SLC7A5: variants seen among roughly 807,000 people sequenced by gnomAD.
SLC7A5 encodes the protein large neutral amino acids transporter small subunit 1.
SLC7A5 carries 23 observed loss-of-function variants against 50.2 expected under a neutral mutation model. That is an observed-to-expected ratio of 0.46 (90% confidence interval 0.33 to 0.65). SLC7A5 has a LOEUF of 0.65. Ranked by LOEUF, SLC7A5 falls within the 30% of genes least tolerant of loss-of-function variation. SLC7A5 has a pLI of 0.02. For synonymous variants in SLC7A5, 393 were observed against 330.6 expected (o/e 1.19, Z -2.05); for missense variants, 578 against 684.4 (o/e 0.84, Z 1.73).
chr16:87,850,105 C>A (rs962641865), intron 2 of SLC7A5, among the ~76,000 whole-genome samples: 2 of 152,212 alleles, frequency 1.3e-5, no homozygotes, highest in Admixed American at 1.3e-4. Context: ...CCCTCCCCAG[C>A]TGCAGCCAGA....
intron 7 of SLC7A5, 62 bp from the exon 8 acceptor site, chr16:87,836,709 G>A (rs1597493718): frequency 6.3e-7 from 1 of 1,577,218 alleles, no homozygotes. Context: ...GGACGGCCGT[G>A]GTGGCCACCG....
intron 2 of SLC7A5, among the ~76,000 whole-genome samples, chr16:87,845,165 C>T (rs1434863766): frequency 7.0e-6 from 1 of 143,412 alleles, no homozygotes; most frequent in Non-Finnish European, 1.5e-5. Flanking sequence ...ACATGAGGGG[C>T]CAACCGTGCC....
rs2055429223 is a variant in SLC7A5, at chr16:87,863,986, A to ATATATATAT, written c.538+4898_538+4899insATATATATA. Among the ~76,000 whole-genome samples, 15 of 83,278 alleles carry ATATATATAT rather than the reference A, an allele frequency of 1.8e-4. 1 individual carries two copies. The highest frequency in any genetic ancestry group is 5.6e-4 in the Admixed American group (4 of 7,092). 54.6% of individuals were successfully genotyped at this position (83,278 alleles called of 152,430 possible). On this transcript the variant is annotated intron_variant, in intron 1 of 9. Coordinates refer to ENST00000261622, the MANE Select transcript of SLC7A5 (RefSeq NM_003486.7). ...CCAACCTTATGTGTGATCATTTAAA[A>ATATATATAT]ATATATATATATATATATATATCAG...
In SLC7A5 at chr16:87,862,536, G is replaced by A. The variant is rs1356111660; in HGVS notation, c.538+6349C>T. Among the ~76,000 whole-genome samples the A allele has an allele frequency of 1.3e-5, 2 of 152,216 alleles. No individual in the cohort carries two copies. The highest frequency in any genetic ancestry group is 6.5e-5 in the Admixed American group (1 of 15,280). ...AGAGCTCCAGACTAAAGGAAACCCT[G>A]GCTCCTGTCTCTGGCTCTTCCCTCC... On this transcript the variant is annotated intron_variant, in intron 1 of 9. Coordinates refer to ENST00000261622, the MANE Select transcript of SLC7A5 (RefSeq NM_003486.7). This position sits in a 1 kb window ranked among gnomAD's most constrained non-coding sequence, Gnocchi z 5.3.
chr16:87,843,083 A>T (rs1222713668), intron 2 of SLC7A5, among the ~76,000 whole-genome samples: 2 of 152,070 alleles, frequency 1.3e-5, no homozygotes, highest in Non-Finnish European at 2.9e-5. Flanking sequence ...GAGGGGGTGA[A>T]GGTGAGCCCT....
At chr16:87,868,799 T>C (rs2055495202) in intron 1 of SLC7A5, 86 bp downstream of exon 1, 10 of 1,329,676 alleles carry the variant, frequency 7.5e-6, no homozygotes, top group Non-Finnish European at 1.1e-5. Context: ...GATGTAGAGA[T>C]GTGGGAGCCA....
Position 87,833,126 on chromosome 16 carries a change from ACCCAGCGCCGCTG to A in SLC7A5, c.1469-114_1469-102del. 1 of 955,774 alleles carries A rather than the reference ACCCAGCGCCGCTG, an allele frequency of 1.0e-6. No homozygotes were observed. The allele number at this position is 955,774 out of a possible 1,614,324, so 59.2% of individuals were successfully genotyped here. On this transcript the variant is annotated intron_variant, in intron 9 of 9. Transcript: ENST00000261622. This position sits in a 1 kb window ranked among gnomAD's most constrained non-coding sequence, Gnocchi z 6.0. The stretch of plus-strand genomic sequence containing the variant: ...GCTCCCCCAGCCCTGCTGTCACCAA[ACCCAGCGCCGCTG>A]CCCAGCGCTGGGATTTTAAGGAACC...
In SLC7A5 at chr16:87,831,567, G is replaced by C. The variant is rs973639294; in HGVS notation, c.*1403C>G. ...CTCCTCCAGCCACAGCTGAGCACTG[G>C]AGTGACGCTGGACCACTTGGCTCCA... is the stretch of plus-strand genomic sequence containing the variant. On this transcript the variant is annotated 3_prime_UTR_variant, in exon 10 of 10. Coordinates refer to ENST00000261622, the MANE Select transcript of SLC7A5 (RefSeq NM_003486.7). 6 of 152,298 alleles carry C rather than the reference G, an allele frequency of 3.9e-5. No homozygotes were observed. The highest frequency in any genetic ancestry group is 1.4e-4 in the African/African-American group (6 of 41,458). The allele number at this position is 152,298 out of a possible 1,614,324, so 9.4% of individuals were successfully genotyped here.
chr16:87,833,144 G>A lies in SLC7A5; in HGVS notation c.1469-119C>T. ...TCACCAAACCCAGCGCCGCTGCCCA[G>A]CGCTGGGATTTTAAGGAACCTTCCC... On this transcript the variant is annotated intron_variant, in intron 9 of 9. Transcript: ENST00000261622. The surrounding 1 kb of genome is among the most constrained non-coding windows in gnomAD (Gnocchi z 6.0). 1 of 845,156 alleles carries A rather than the reference G, an allele frequency of 1.2e-6. No individual in the cohort carries two copies. Among genetic ancestry groups the A allele is most frequent in the Non-Finnish European group, 2.0e-6 (1 of 488,506 alleles). The allele number at this position is 845,156 out of a possible 1,614,324, so 52.4% of individuals were successfully genotyped here.
In SLC7A5 at chr16:87,836,540, G is replaced by C; in HGVS notation, c.1248C>G (p.Ile416Met). 6.2e-7 allele frequency: 1 copy of C among 1,613,380 alleles called. No homozygotes were observed. Residue 416 changes from isoleucine (I) to methionine (M), a missense_variant, in exon 8 of 10, where the codon ATC (isoleucine) becomes ATG (methionine). Around this residue, in one of 2 missense-constraint regions of SLC7A5, gnomAD observed 465 missense variants for 594.6 expected, o/e 0.78. Coordinates refer to ENST00000261622, the MANE Select transcript of SLC7A5 (RefSeq NM_003486.7). ...GCTCAGGCTTTCTGTGGCGCAGCCA[G>C]ATCATGCCGATGATGGCCAGGGCCA... ...LCVALAIIGM[I>M]WLRHRKPELE...
intron 2 of SLC7A5, among the ~76,000 whole-genome samples, chr16:87,850,437 G>T (rs1468323922): frequency 6.6e-6 from 1 of 152,210 alleles, no homozygotes; most frequent in East Asian, 1.9e-4. Context: ...GGTCCTACCT[G>T]CCTCCCCTAC....
chr16:87,837,977 C>G, intron 6 of SLC7A5, 36 bp from the exon 7 acceptor site: 1 of 1,476,790 alleles, frequency 6.8e-7, no homozygotes. Flanking sequence ...TCAGCCACCG[C>G]CCCACAACTC....
At chr16:87,838,648 G>T in intron 6 of SLC7A5, 66 bp downstream of exon 6, 1 of 1,185,798 alleles carries the variant, frequency 8.4e-7, no homozygotes, top group Non-Finnish European at 1.3e-6. Flanking sequence ...TACAGACATG[G>T]AACATGTTGA....
At chr16:87,836,794 A>G (rs1449454779) in intron 7 of SLC7A5, 147 bp from the exon 8 acceptor site, 9 of 708,018 alleles carry the variant, frequency 1.3e-5, no homozygotes, top group East Asian at 5.9e-5. Flanking sequence ...CATCTGAGCA[A>G]CATGCAAGGT....
Position 87,862,454 on chromosome 16 carries a change from T to C in SLC7A5, c.538+6431A>G, listed in dbSNP as rs565743664. Among the ~76,000 whole-genome samples, 1,129 of 152,308 alleles carry C rather than the reference T, an allele frequency of 7.4e-3. 5 individuals are homozygous for C. Among genetic ancestry groups the C allele is most frequent in the Non-Finnish European group, 9.1e-3 (618 of 68,036 alleles). On this transcript the variant is annotated intron_variant, in intron 1 of 9. Transcript: ENST00000261622. The surrounding 1 kb of genome is among the most constrained non-coding windows in gnomAD (Gnocchi z 5.3). ...TTGTGGCGATTCCTACTTCCACCCA[T>C]AGCCCCCCGACCCTGGGCCTGTGCC...
In SLC7A5 at chr16:87,830,891, C is replaced by T. The variant is rs2045875542; in HGVS notation, c.*2079G>A. On this transcript the variant is annotated 3_prime_UTR_variant, in exon 10 of 10. Transcript: ENST00000261622. ...CACGTCCCAGAGCAGGAGGTTGGAA[C>T]AGAACGGCATCCCGAGGACCCCTAG... The T allele has an allele frequency of 2.0e-5, 3 of 152,336 alleles. No homozygotes were observed. Among genetic ancestry groups the T allele is most frequent in the African/African-American group, 7.2e-5 (3 of 41,460 alleles). The allele number at this position is 152,336 out of a possible 1,614,324, so 9.4% of individuals were successfully genotyped here. A position where few individuals can be genotyped will look rare whatever the true frequency, so the allele number is the denominator to read the frequency against.
At chr16:87,835,488 C>G (rs1263695471) in intron 8 of SLC7A5, among the ~76,000 whole-genome samples, 4 of 152,198 alleles carry the variant, frequency 2.6e-5, no homozygotes, top group African/African-American at 9.7e-5. Flanking sequence ...TTTTAAAGCC[C>G]CTGTTTTTTT....
intron 2 of SLC7A5, among the ~76,000 whole-genome samples, chr16:87,842,724 C>G (rs2055096965): frequency 6.6e-6 from 1 of 152,214 alleles, no homozygotes; most frequent in Admixed American, 6.5e-5. Context: ...AGGCCTTGAT[C>G]TCCTGAGAAG....
chr16:87,837,753 CCAGA>C (rs1426446663), intron 7 of SLC7A5, 88 bp downstream of exon 7: 4 of 1,053,736 alleles, frequency 3.8e-6, no homozygotes, highest in Admixed American at 2.0e-5. Context: ...AGTCCACACC[CCAGA>C]CAGAGCTGCA....
Sources: gnomAD v4.1 joint callset for allele counts (sites outside exome capture counted in the v4.1 genomes callset) on GRCh38, gnomAD v4.1.1 for gene constraint, gnomAD v4.1.1 regional missense constraint, Gnocchi (gnomAD v3.1) non-coding constraint, MANE v1.5 for transcripts, NCBI Gene and HGNC (gene_info 2026-07-23, HGNC 2026-07-21) for gene names.